The following WSCD2 variants were observed in gnomAD, a reference collection of about 807,000 sequenced individuals.
WSCD2 encodes sialate:O-sulfotransferase 2.
Under a neutral mutation model 55.7 loss-of-function variants are expected in WSCD2, and 28 were observed. That is an observed-to-expected ratio of 0.50 (90% confidence interval 0.37 to 0.69). WSCD2 has a LOEUF of 0.69. Ranked by LOEUF, WSCD2 falls within the 30% of genes least tolerant of loss-of-function variation. The pLI is 0.00. For synonymous variants in WSCD2, 301 were observed against 301.9 expected, an observed-to-expected ratio of 1.00 and a Z score of 0.03; for missense variants, 616 against 762.1, an observed-to-expected ratio of 0.81 and a Z score of 2.26.
chr12:108,148,675 C>T (rs1432779767), intron 1 of WSCD2, among the ~76,000 whole-genome samples: 1 of 152,018 alleles, frequency 6.6e-6, no homozygotes, highest in African/African-American at 2.4e-5. Context: ...GTGGTAGAAC[C>T]AGGCTGGAAC....
chr12:108,195,914 A>T lies in WSCD2; in HGVS notation c.82A>T (p.Thr28Ser), dbSNP rs541369950. Residue 28 changes from threonine to serine, a missense_variant, in exon 2 of 9, where the codon ACT becomes TCT. Physicochemically the swap from Thr to Ser is moderately conservative, Grantham distance 58. This residue lies in a region of WSCD2 where 374 missense variants were observed against 467.4 expected (regional missense o/e 0.80). Coordinates refer to ENST00000547525, the MANE Select transcript of WSCD2 (RefSeq NM_014653.4). ...RFFTFLALYL[T>S]AGSLVFLHSG... ...CTTTACCTTCCTGGCACTCTACCTGACTGCTGGGAGCCTTGTCTTCCTTCA... is the reference window on the plus strand; with the variant it reads ...CTTTACCTTCCTGGCACTCTACCTGTCTGCTGGGAGCCTTGTCTTCCTTCA... 3 of 1,613,834 alleles carry T rather than the reference A, an allele frequency of 1.9e-6. No individual in the cohort carries two copies. In the South Asian group the frequency reaches 3.3e-5, roughly 18 times the overall value.
intron 1 of WSCD2, among the ~76,000 whole-genome samples, chr12:108,152,913 G>C (rs1878153366): frequency 6.6e-6 from 1 of 152,146 alleles, no homozygotes; most frequent in South Asian, 2.1e-4. Context: ...GGCCAGCCTG[G>C]CCAACATGGT....
chr12:108,205,632 C>A (rs1043800296), intron 2 of WSCD2, among the ~76,000 whole-genome samples: 4 of 152,214 alleles, frequency 2.6e-5, no homozygotes, highest in Admixed American at 1.3e-4. Context: ...GTACTTTACA[C>A]AGCACTGTGA....
chr12:108,245,770 A>G (rs1373085073), intron 8 of WSCD2, among the ~76,000 whole-genome samples: 5 of 152,340 alleles, frequency 3.3e-5, no homozygotes, highest in Middle Eastern at 3.4e-3. Flanking sequence ...ATTTTTCCTA[A>G]TTACTCAGAT....
At chr12:108,230,152 T>TTCC (rs1374896823) in intron 6 of WSCD2, among the ~76,000 whole-genome samples, 1 of 152,196 alleles carries the variant, frequency 6.6e-6, no homozygotes, top group Admixed American at 6.5e-5. Flanking sequence ...ATTTTAAGTG[T>TTCC]ACTAGTTAAT....
At chr12:108,160,285 G>T (rs1878931343) in intron 1 of WSCD2, among the ~76,000 whole-genome samples, 1 of 152,174 alleles carries the variant, frequency 6.6e-6, no homozygotes, top group Non-Finnish European at 1.5e-5. Context: ...TTACTCTGTA[G>T]CTATAGGATA....
In WSCD2 at chr12:108,248,007, G is replaced by A. The variant is rs769313420; in HGVS notation, c.1362G>A (p.Val454=). The A allele has an allele frequency of 1.9e-6, 3 of 1,612,836 alleles. No homozygotes were observed. The highest frequency in any genetic ancestry group is 2.7e-5 in the African/African-American group (2 of 75,036). Residue 454 remains valine, a synonymous_variant, in exon 9 of 9, where the codon GTG becomes GTA. Coordinates refer to ENST00000547525, the MANE Select transcript of WSCD2 (RefSeq NM_014653.4). This position sits in a 1 kb window ranked among gnomAD's most constrained non-coding sequence, Gnocchi z 4.3. ...TCTCTGCAGAGTGGCCAGAGTTCGT[G>A]AGGAACTATGCCCCGTGGTGGGCCA... is the stretch of plus-strand genomic sequence containing the variant. ...HWKGKEWPEF[V]RNYAPWWATH...
At chr12:108,169,296 C>T (rs1443810506) in intron 1 of WSCD2, among the ~76,000 whole-genome samples, 1 of 152,170 alleles carries the variant, frequency 6.6e-6, no homozygotes, top group Non-Finnish European at 1.5e-5. Context: ...GTGCACAATA[C>T]ATGTAATACA....
At chr12:108,197,860 C>T (rs1332089352) in intron 2 of WSCD2, among the ~76,000 whole-genome samples, 1 of 151,304 alleles carries the variant, frequency 6.6e-6, no homozygotes, top group Admixed American at 6.6e-5. Context: ...CTCTGCCCCA[C>T]TGTCCTTGCA....
At chr12:108,238,161 C>CA (rs1297953608) in intron 7 of WSCD2, among the ~76,000 whole-genome samples, 15 of 152,358 alleles carry the variant, frequency 9.8e-5, no homozygotes, top group Non-Finnish European at 2.2e-4. Context: ...CTCTCTCTCT[C>CA]AAGCTCCCAC....
intron 1 of WSCD2, among the ~76,000 whole-genome samples, chr12:108,144,277 T>C (rs979706812): frequency 2.0e-5 from 3 of 152,166 alleles, no homozygotes; most frequent in African/African-American, 7.2e-5. Flanking sequence ...ACCTGGGTCA[T>C]ACGCGTTATG....
intron 1 of WSCD2, among the ~76,000 whole-genome samples, chr12:108,130,947 G>C (rs1486145367): frequency 2.0e-5 from 3 of 152,158 alleles, no homozygotes; most frequent in Non-Finnish European, 4.4e-5. Context: ...TGGTCTCTGA[G>C]GATCATTTTA....
intron 1 of WSCD2, among the ~76,000 whole-genome samples, chr12:108,148,147 G>A (rs541709275): frequency 2.6e-5 from 4 of 152,282 alleles, no homozygotes; most frequent in South Asian, 4.1e-4. Context: ...GCGTGGGGCC[G>A]ACCTGTGCAT....
chr12:108,170,852 C>T (rs985587748), intron 1 of WSCD2, among the ~76,000 whole-genome samples: 6 of 152,206 alleles, frequency 3.9e-5, no homozygotes, highest in Admixed American at 3.9e-4. Flanking sequence ...CAAAGCTAGT[C>T]ATGAGATTTC....
At chr12:108,136,201 G>T (rs1295318983) in intron 1 of WSCD2, among the ~76,000 whole-genome samples, 1 of 152,160 alleles carries the variant, frequency 6.6e-6, no homozygotes, top group African/African-American at 2.4e-5. Flanking sequence ...ACCCAGAAAG[G>T]GAGAGAGACA....
At chr12:108,231,526 G>A (rs1948624792) in intron 6 of WSCD2, among the ~76,000 whole-genome samples, 2 of 152,238 alleles carry the variant, frequency 1.3e-5, no homozygotes, top group South Asian at 4.1e-4. Context: ...TTTTACAGAT[G>A]AGGAAACTGA....
chr12:108,137,001 G>T (rs1332454922), intron 1 of WSCD2, among the ~76,000 whole-genome samples: 1 of 152,172 alleles, frequency 6.6e-6, no homozygotes, highest in East Asian at 1.9e-4. Flanking sequence ...CAACAGGACT[G>T]GGGGCTGAGC....
chr12:108,138,737 T>A (rs1190874785), intron 1 of WSCD2, among the ~76,000 whole-genome samples: 1 of 152,254 alleles, frequency 6.6e-6, no homozygotes, highest in African/African-American at 2.4e-5. Context: ...GTTTTCTCTT[T>A]GAACTTCAGC....
chr12:108,153,589 A>C (rs549444384), intron 1 of WSCD2, among the ~76,000 whole-genome samples: 1 of 152,354 alleles, frequency 6.6e-6, no homozygotes, highest in South Asian at 2.1e-4. Flanking sequence ...GGGGAGCTAT[A>C]TTCACCCCCA....
Sources: allele counts gnomAD v4.1 joint callset (sites outside exome capture counted in the v4.1 genomes callset), GRCh38; gene constraint gnomAD v4.1.1; regional missense constraint gnomAD v4.1.1; non-coding constraint Gnocchi (gnomAD v3.1); transcripts MANE v1.5; gene names NCBI Gene and HGNC (gene_info 2026-07-23, HGNC 2026-07-21).